The following AKAP6 variants were observed in gnomAD, a reference collection of about 807,000 sequenced individuals.
The protein encoded by AKAP6 is A-kinase anchoring protein 6.
In AKAP6, 58 loss-of-function variants were observed where a neutral mutation model predicts 188.5. That is an observed-to-expected ratio of 0.31 (90% CI 0.25 to 0.38). The LOEUF (loss-of-function observed/expected upper bound fraction) is 0.38, where lower values mean the gene tolerates loss of function less well. AKAP6 is among the 10% of genes least tolerant of loss of function. The pLI, the probability that AKAP6 is intolerant of heterozygous loss-of-function variation, is 1.00. For synonymous variants in AKAP6, 989 were observed against 998.6 expected (o/e 0.99, Z 0.18); for missense variants, 2,710 against 2,740.0 (o/e 0.99, Z 0.24).
At chr14:32,787,224 G>T (rs767277434) in intron 12 of AKAP6, among the ~76,000 whole-genome samples, 15 of 151,986 alleles carry the variant, frequency 9.9e-5, no homozygotes, top group Non-Finnish European at 1.8e-4. Context: ...TGAAAGAAAG[G>T]GGGGGAACCC....
chr14:32,768,844 A>T (rs1031383699), intron 11 of AKAP6, among the ~76,000 whole-genome samples: 2 of 151,968 alleles, frequency 1.3e-5, no homozygotes, highest in African/African-American at 4.8e-5. Context: ...GATTCAGAAG[A>T]CGTATAGTAG....
intron 1 of AKAP6, among the ~76,000 whole-genome samples, chr14:32,390,854 G>T (rs532334464): frequency 1.3e-5 from 2 of 152,024 alleles, no homozygotes; most frequent in Admixed American, 1.3e-4. Context: ...AATTCACGAC[G>T]CAAGCCTCCA....
chr14:32,474,723 T>TC (rs1432428221), intron 2 of AKAP6, among the ~76,000 whole-genome samples: 26 of 152,262 alleles, frequency 1.7e-4, no homozygotes, highest in Admixed American at 1.7e-3. Context: ...TGTTTCCAGT[T>TC]CATTTGGTCC....
intron 9 of AKAP6, 32 bp downstream of exon 9, chr14:32,696,142 T>C (rs1566652460): frequency 6.3e-7 from 1 of 1,576,764 alleles, no homozygotes; most frequent in Non-Finnish European, 8.6e-7. Context: ...TTTACCTTGC[T>C]GTGGAAGATC....
At chr14:32,760,764 A>G (rs1297594653) in intron 11 of AKAP6, among the ~76,000 whole-genome samples, 2 of 152,198 alleles carry the variant, frequency 1.3e-5, no homozygotes, top group Admixed American at 6.5e-5. Flanking sequence ...TTTAGCTATA[A>G]GAGTGTTTGA....
chr14:32,678,601 C>T, intron 8 of AKAP6, 142 bp downstream of exon 8: 2 of 933,416 alleles, frequency 2.1e-6, no homozygotes, highest in East Asian at 5.3e-5. Context: ...ATGTTCTTTT[C>T]CATTTGTGCC....
rs773454494 is a variant in AKAP6 at position 32,546,789 on chromosome 14, T to A, written c.2136T>A (p.Ile712=). 80 of 1,614,066 alleles carry A rather than the reference T, an allele frequency of 5.0e-5. No homozygotes were observed. The highest frequency in any genetic ancestry group is 6.3e-5 in the Non-Finnish European group (74 of 1,179,992). ...SDIASSLGES[I]ESGPLSDILS... is the part of the protein sequence containing the mutation. Reference sequence around the variant, plus strand: ...TAGCCTCTTCACTAGGGGAGAGCATTGAATCTGGGCCCCTGAGTGACATTC... The same window carrying A: ...TAGCCTCTTCACTAGGGGAGAGCATAGAATCTGGGCCCCTGAGTGACATTC... Residue 712 remains isoleucine (I), a synonymous_variant, in exon 4 of 14, where the codon ATT becomes ATA. Transcript: ENST00000280979.
intron 3 of AKAP6, among the ~76,000 whole-genome samples, chr14:32,540,158 C>CTA (rs1566563373): frequency 7.1e-5 from 8 of 112,756 alleles, no homozygotes; most frequent in Non-Finnish European, 1.2e-4. Context: ...CTCTCTCTCT[C>CTA]TCTCTCTCTC....
intron 2 of AKAP6, among the ~76,000 whole-genome samples, chr14:32,514,812 G>A (rs964204313): frequency 2.6e-5 from 4 of 152,134 alleles, no homozygotes; most frequent in African/African-American, 9.7e-5. Flanking sequence ...TAAGTAGGAG[G>A]GTGGAGGAGT....
At chr14:32,648,787 A>G (rs1009669203) in intron 7 of AKAP6, among the ~76,000 whole-genome samples, 7 of 152,146 alleles carry the variant, frequency 4.6e-5, no homozygotes, top group Admixed American at 6.6e-5. Flanking sequence ...TATGTGGCCT[A>G]ATATTCAAAT....
chr14:32,361,006 C>T (rs1185029715), intron 1 of AKAP6, among the ~76,000 whole-genome samples: 1 of 150,182 alleles, frequency 6.7e-6, no homozygotes, highest in Non-Finnish European at 1.5e-5. Flanking sequence ...GCTTCAACCT[C>T]CCAAAGTGCT....
intron 7 of AKAP6, among the ~76,000 whole-genome samples, chr14:32,620,019 A>G (rs1349454079): frequency 6.6e-6 from 1 of 152,008 alleles, no homozygotes; most frequent in African/African-American, 2.4e-5. Flanking sequence ...ACTCATTTGG[A>G]TGCATTGATT....
chr14:32,523,307 C>T (rs1364365399), intron 2 of AKAP6, among the ~76,000 whole-genome samples: 2 of 152,040 alleles, frequency 1.3e-5, no homozygotes, highest in African/African-American at 2.4e-5. Flanking sequence ...TGCACATGTT[C>T]CCTAGAACTT....
rs773752650 is a variant in AKAP6, at chr14:32,433,787, G to C, written c.294G>C (p.Lys98Asn). ...CAGTCCAGCAGGATTCGGACAGCAAGCATGTGGATGTACATCTAGTTCAAC... is the reference window on the plus strand; with the variant it reads ...CAGTCCAGCAGGATTCGGACAGCAACCATGTGGATGTACATCTAGTTCAAC... ...TYSVQQDSDS[K>N]HVDVHLVQLK... The change falls in exon 2 of 14, where the codon AAG becomes AAC. Residue 98 changes from lysine (K) to asparagine (N), a missense_variant. Lys to Asn is a moderately conservative substitution (Grantham distance 94). This residue lies in a region of AKAP6 where 237 missense variants were observed against 313.9 expected (regional missense o/e 0.76). Transcript: ENST00000280979. 2 of 1,613,914 alleles carry C rather than the reference G, an allele frequency of 1.2e-6. No individual in the cohort carries two copies. Among genetic ancestry groups the C allele is most frequent in the Non-Finnish European group, 1.7e-6 (2 of 1,180,002 alleles).
chr14:32,731,861 A>G (rs1049239899), intron 9 of AKAP6, among the ~76,000 whole-genome samples: 4 of 152,096 alleles, frequency 2.6e-5, no homozygotes, highest in Non-Finnish European at 5.9e-5. Context: ...TCTGTAGTCA[A>G]CTATGATTTG....
chr14:32,654,519 G>C (rs1021220077), intron 7 of AKAP6, among the ~76,000 whole-genome samples: 1 of 151,992 alleles, frequency 6.6e-6, no homozygotes, highest in African/African-American at 2.4e-5. Flanking sequence ...ATACCAGACT[G>C]ATAGTCTTTT....
chr14:32,778,484 A>C (rs1349796909), intron 12 of AKAP6, among the ~76,000 whole-genome samples: 1 of 151,918 alleles, frequency 6.6e-6, no homozygotes, highest in Non-Finnish European at 1.5e-5. Flanking sequence ...TTTTTTTTGA[A>C]AAGAGGATTA....
chr14:32,555,347 C>G (rs1019569096), intron 4 of AKAP6, among the ~76,000 whole-genome samples: 5 of 151,976 alleles, frequency 3.3e-5, no homozygotes, highest in Non-Finnish European at 7.4e-5. Context: ...TTTTACATTT[C>G]TTTTCCAAGA....
At chr14:32,423,343 G>C (rs1029495693) in intron 1 of AKAP6, among the ~76,000 whole-genome samples, 3 of 151,900 alleles carry the variant, frequency 2.0e-5, no homozygotes, top group African/African-American at 7.3e-5. Flanking sequence ...CTAAGTTTTT[G>C]TATTTTTGTG....
Sources: gnomAD v4.1 joint callset for allele counts (sites outside exome capture counted in the v4.1 genomes callset) on GRCh38, gnomAD v4.1.1 for gene constraint, gnomAD v4.1.1 regional missense constraint, MANE v1.5 for transcripts, NCBI Gene and HGNC (gene_info 2026-07-23, HGNC 2026-07-21) for gene names.